DPP10: variants seen among roughly 807,000 people sequenced by gnomAD.
The protein encoded by DPP10 is dipeptidyl peptidase like 10.
Under a neutral mutation model 120.9 loss-of-function variants are expected in DPP10, and 33 were observed. The observed-to-expected ratio is 0.27, with a 90% confidence interval of 0.21 to 0.37. The LOEUF is 0.37. Ranked by LOEUF, DPP10 falls within the 10% of genes least tolerant of loss-of-function variation. The pLI is 1.00. For synonymous variants in DPP10, 337 were observed against 326.1 expected, an observed-to-expected ratio of 1.03 and a Z score of -0.36; for missense variants, 816 against 942.8, an observed-to-expected ratio of 0.87 and a Z score of 1.76.
chr2:115,140,409 G>C (rs1387767537), intron 1 of DPP10, among the ~76,000 whole-genome samples: 4 of 152,206 alleles, frequency 2.6e-5, no homozygotes, highest in African/African-American at 4.8e-5. Flanking sequence ...TGATGGCTCA[G>C]AGCTGGTGAT....
intron 3 of DPP10, among the ~76,000 whole-genome samples, chr2:115,425,326 T>G (rs1332172074): frequency 6.6e-6 from 1 of 152,182 alleles, no homozygotes; most frequent in Non-Finnish European, 1.5e-5. Flanking sequence ...TACTTTCAAC[T>G]AAGTACTATT....
At chr2:114,923,668 T>C (rs573807469) in intron 1 of DPP10, among the ~76,000 whole-genome samples, 37 of 148,378 alleles carry the variant, frequency 2.5e-4, no homozygotes, top group Middle Eastern at 3.7e-3. Flanking sequence ...TTAGTAGAGA[T>C]GGGGTTTCAC....
chr2:115,298,046 C>T (rs1001035687), intron 1 of DPP10, among the ~76,000 whole-genome samples: 4 of 151,998 alleles, frequency 2.6e-5, no homozygotes, highest in Non-Finnish European at 5.9e-5. Flanking sequence ...ATGCATCCCT[C>T]AAGATTAAAG....
intron 1 of DPP10, among the ~76,000 whole-genome samples, chr2:114,896,687 A>T (rs1458760859): frequency 1.3e-5 from 2 of 152,154 alleles, no homozygotes; most frequent in East Asian, 3.9e-4. Context: ...GCAAACAGGG[A>T]CAATTTGACT....
intron 5 of DPP10, among the ~76,000 whole-genome samples, chr2:115,569,959 A>T (rs1348948431): frequency 6.6e-6 from 1 of 152,232 alleles, no homozygotes; most frequent in African/African-American, 2.4e-5. Flanking sequence ...TAATCAGAAA[A>T]CAAATTTTTA....
intron 1 of DPP10, among the ~76,000 whole-genome samples, chr2:115,111,271 C>T (rs1371744144): frequency 6.7e-6 from 1 of 149,988 alleles, no homozygotes; most frequent in Non-Finnish European, 1.5e-5. Context: ...CGTTGTATAG[C>T]TTTTTAATGC....
chr2:115,744,105 A>G (rs1384615797), intron 9 of DPP10, among the ~76,000 whole-genome samples: 2 of 150,704 alleles, frequency 1.3e-5, no homozygotes, highest in Non-Finnish European at 2.9e-5. Flanking sequence ...GGAATTTTGT[A>G]AAAACAGATT....
At chr2:114,764,817 A>G (rs1169360255) in intron 1 of DPP10, among the ~76,000 whole-genome samples, 1 of 152,180 alleles carries the variant, frequency 6.6e-6, no homozygotes, top group Non-Finnish European at 1.5e-5. Context: ...TGCATTTAAT[A>G]TTTTGGCTTA....
At chr2:115,212,150 C>G (rs1446127152) in intron 1 of DPP10, among the ~76,000 whole-genome samples, 1 of 152,052 alleles carries the variant, frequency 6.6e-6, no homozygotes, top group African/African-American at 2.4e-5. Flanking sequence ...ATCTGTGTTA[C>G]CTTTAAACTA....
chr2:115,562,628 A>C (rs1170996810), intron 5 of DPP10, among the ~76,000 whole-genome samples: 2 of 152,144 alleles, frequency 1.3e-5, no homozygotes, highest in Non-Finnish European at 2.9e-5. Context: ...AACAACCTTA[A>C]CTATTTTACC....
intron 1 of DPP10, among the ~76,000 whole-genome samples, chr2:114,745,744 C>A (rs754138467): frequency 8.7e-4 from 133 of 152,150 alleles, no homozygotes; most frequent in Non-Finnish European, 1.6e-3. Flanking sequence ...CATCAGGACA[C>A]TTTAAATACA....
chr2:115,290,469 T>C (rs1396703002), intron 1 of DPP10, among the ~76,000 whole-genome samples: 1 of 152,168 alleles, frequency 6.6e-6, no homozygotes, highest in Admixed American at 6.5e-5. Context: ...AATCTAACAC[T>C]AGGAACATGG....
At chr2:115,541,417 T>G (rs2079163374) in intron 5 of DPP10, among the ~76,000 whole-genome samples, 1 of 151,846 alleles carries the variant, frequency 6.6e-6, no homozygotes, top group South Asian at 2.1e-4. Flanking sequence ...TTACTGCATT[T>G]CATTCCAAGA....
At chr2:114,631,948 C>T (rs980714748) in intron 1 of DPP10, among the ~76,000 whole-genome samples, 3 of 152,098 alleles carry the variant, frequency 2.0e-5, no homozygotes, top group African/African-American at 7.2e-5. Context: ...ATATTCCATT[C>T]GTTGCTTTTT....
At chr2:115,550,237 A>T (rs971418870) in intron 5 of DPP10, among the ~76,000 whole-genome samples, 2 of 152,214 alleles carry the variant, frequency 1.3e-5, no homozygotes, top group Admixed American at 6.6e-5. Flanking sequence ...CATGAATTAC[A>T]TAGTGAAATA....
chr2:115,392,191 T>TA (rs879616144), intron 3 of DPP10, among the ~76,000 whole-genome samples: 8 of 152,156 alleles, frequency 5.3e-5, no homozygotes, highest in Non-Finnish European at 1.2e-4. Flanking sequence ...TTATGCTTTT[T>TA]TTTTGATTAT....
chr2:115,064,927 A>T, intron 1 of DPP10: 1 of 976,124 alleles, frequency 1.0e-6, no homozygotes. Flanking sequence ...TGTTTTAAGC[A>T]TTATTCATCA....
At chr2:114,825,591 G>A (rs1382455131) in intron 1 of DPP10, among the ~76,000 whole-genome samples, 3 of 152,168 alleles carry the variant, frequency 2.0e-5, no homozygotes, top group Non-Finnish European at 2.9e-5. Flanking sequence ...GGCATAAACC[G>A]AAAGGATGCT....
intron 1 of DPP10, among the ~76,000 whole-genome samples, chr2:114,675,081 A>G (rs17043340): frequency 0.05 from 7,565 of 152,164 alleles, 223 homozygotes; most frequent in South Asian, 0.093. Flanking sequence ...GGCCTGTCTT[A>G]ATGTTTTGAA....
Sources: gnomAD v4.1 joint callset for allele counts (sites outside exome capture counted in the v4.1 genomes callset) on GRCh38, gnomAD v4.1.1 for gene constraint, MANE v1.5 for transcripts, NCBI Gene and HGNC (gene_info 2026-07-23, HGNC 2026-07-21) for gene names.